The following STX3 variants were observed in gnomAD, a reference collection of about 807,000 sequenced individuals.
STX3 encodes syntaxin 3.
STX3 carries 19 observed loss-of-function variants against 40.2 expected under a neutral mutation model. The observed-to-expected ratio is 0.47, with a 90% CI of 0.33 to 0.69. The LOEUF (loss-of-function observed/expected upper bound fraction) is 0.69, where lower values mean the gene tolerates loss of function less well. Ranked by LOEUF, STX3 falls within the 30% of genes least tolerant of loss-of-function variation. The probability of loss-of-function intolerance (pLI) is 0.02; values close to 1 mark genes in which losing one functional copy is unlikely to be tolerated. For missense variants in STX3, 364 were observed against 366.7 expected (o/e 0.99, Z 0.06); for synonymous variants, 122 against 132.2 (o/e 0.92, Z 0.53).
At chr11:59,774,904 C>T (rs1302546327) in intron 2 of STX3, among the ~76,000 whole-genome samples, 1 of 152,172 alleles carries the variant, frequency 6.6e-6, no homozygotes, top group Non-Finnish European at 1.5e-5. Flanking sequence ...CATATATGTG[C>T]TTAATGAATG....
chr11:59,767,190 G>A (rs774098785), intron 1 of STX3, among the ~76,000 whole-genome samples: 1 of 152,152 alleles, frequency 6.6e-6, no homozygotes, highest in Non-Finnish European at 1.5e-5. Context: ...GCACACTTGA[G>A]GGGTAGGGTC....
At chr11:59,774,578 A>T (rs570160773) in intron 2 of STX3, among the ~76,000 whole-genome samples, 36 of 152,320 alleles carry the variant, frequency 2.4e-4, no homozygotes, top group Non-Finnish European at 1.2e-4. Flanking sequence ...CACGCTTGTA[A>T]TCCCAGCACT....
intron 4 of STX3, chr11:59,789,283 C>G: frequency 4.2e-6 from 1 of 236,736 alleles, no homozygotes; most frequent in Non-Finnish European, 8.4e-6. Context: ...GAGTCTCACT[C>G]TGTCCCCCAG....
chr11:59,800,993 C>A lies in STX3; in HGVS notation c.*169C>A. On this transcript the variant is annotated 3_prime_UTR_variant, in exon 11 of 11. Coordinates refer to ENST00000337979, the MANE Select transcript of STX3 (RefSeq NM_004177.5). The stretch of plus-strand genomic sequence containing the variant: ...CCTTGGACCTGACTCAGCTAACAAT[C>A]TAGCCCTGGGGGAATGTGATCTACC... The A allele has an allele frequency of 1.3e-6, 2 of 1,530,002 alleles. No individual in the cohort carries two copies. Among genetic ancestry groups the A allele is most frequent in the South Asian group, 2.4e-5 (2 of 83,232 alleles). 94.8% of individuals were successfully genotyped at this position (1,530,002 alleles called of 1,614,324 possible).
intron 2 of STX3, 137 bp downstream of exon 2, chr11:59,773,431 A>T (rs1411866993): frequency 2.8e-6 from 2 of 713,338 alleles, no homozygotes; most frequent in Non-Finnish European, 4.7e-6. Context: ...GGCCAGACAA[A>T]GAAATTAAAA....
chr11:59,773,409 C>T (rs1863770408), intron 2 of STX3, 115 bp downstream of exon 2: 9 of 968,110 alleles, frequency 9.3e-6, no homozygotes, highest in Non-Finnish European at 1.4e-5. Flanking sequence ...CAGTTTTTTG[C>T]TAGGGTGGGA....
intron 1 of STX3, among the ~76,000 whole-genome samples, chr11:59,769,845 T>A (rs471502): frequency 4.1e-4 from 62 of 151,342 alleles, no homozygotes; most frequent in African/African-American, 1.5e-3. Flanking sequence ...TGTGTGTGTG[T>A]GTGTGTATGT....
chr11:59,776,382 C>T (rs1199288497), intron 2 of STX3, among the ~76,000 whole-genome samples: 1 of 152,200 alleles, frequency 6.6e-6, no homozygotes, highest in Non-Finnish European at 1.5e-5. Flanking sequence ...ATGTTCTTAT[C>T]ACCCTTCTGT....
At chr11:59,773,999 A>T (rs951295036) in intron 2 of STX3, among the ~76,000 whole-genome samples, 1 of 149,636 alleles carries the variant, frequency 6.7e-6, no homozygotes, top group African/African-American at 2.5e-5. Flanking sequence ...AAAAAAAAAA[A>T]ATTATAGTCC....
intron 2 of STX3, among the ~76,000 whole-genome samples, chr11:59,782,205 T>C (rs974392840): frequency 6.6e-6 from 1 of 152,230 alleles, no homozygotes; most frequent in Non-Finnish European, 1.5e-5. Flanking sequence ...GTTATTAGTA[T>C]AATATAGTAA....
intron 1 of STX3, among the ~76,000 whole-genome samples, chr11:59,770,236 G>A (rs577543251): frequency 6.8e-4 from 102 of 150,520 alleles, no homozygotes; most frequent in South Asian, 1.1e-3. Flanking sequence ...TGTAATGTAC[G>A]TGTGTAGGGT....
At position 59,758,081 on chromosome 11, in the gene STX3, C is replaced by T. The variant is rs551099580; in HGVS notation, c.30+2446C>T. Among the ~76,000 whole-genome samples the T allele has an allele frequency of 6.6e-5, 10 of 152,072 alleles. No homozygotes were observed. The South Asian group carries it at 1.9e-3, about 28-fold the overall frequency. Reference sequence around the variant, plus strand: ...GGGAGGGGAGGTGGTAACTGCCTCCCGATAACTGGAGGGCTTTCCGTGCCT... The same window carrying T: ...GGGAGGGGAGGTGGTAACTGCCTCCTGATAACTGGAGGGCTTTCCGTGCCT... On this transcript the variant is annotated intron_variant, in intron 1 of 10. Transcript: ENST00000337979.
intron 3 of STX3, 41 bp from the exon 4 acceptor site, chr11:59,788,832 C>T (rs1380918578): frequency 6.4e-7 from 1 of 1,554,764 alleles, no homozygotes; most frequent in Non-Finnish European, 8.8e-7. Flanking sequence ...GGAATCAGTC[C>T]TCTCCTTTCT....
Position 59,802,608 on chromosome 11 carries a change from CAT to C in STX3, c.*1785_*1786del. 1 of 985,838 alleles carries C rather than the reference CAT, an allele frequency of 1.0e-6. No individual in the cohort carries two copies. Among genetic ancestry groups the C allele is most frequent in the Non-Finnish European group, 1.2e-6 (1 of 829,932 alleles). The allele number at this position is 985,838 out of a possible 1,614,324, so 61.1% of individuals were successfully genotyped here. On this transcript the variant is annotated 3_prime_UTR_variant, in exon 11 of 11. Transcript: ENST00000337979. ...CTGGGGCTTACAGTTTGGAATACAA[CAT>C]GTGAAGGTTTTTGTTGTTGTTTGTA... is the stretch of plus-strand genomic sequence containing the variant.
intron 1 of STX3, among the ~76,000 whole-genome samples, chr11:59,766,626 A>G (rs953129751): frequency 6.6e-6 from 1 of 152,224 alleles, no homozygotes; most frequent in Non-Finnish European, 1.5e-5. Context: ...GAAAGGCTTA[A>G]TGGAAACAAA....
intron 1 of STX3, among the ~76,000 whole-genome samples, chr11:59,769,734 T>G (rs562439329): frequency 4.6e-5 from 7 of 152,316 alleles, no homozygotes; most frequent in Admixed American, 2.0e-4. Context: ...TGTTCCCAGC[T>G]TCTGGAAACT....
At chr11:59,771,197 G>C (rs1159564827) in intron 1 of STX3, among the ~76,000 whole-genome samples, 1 of 125,802 alleles carries the variant, frequency 7.9e-6, no homozygotes, top group Non-Finnish European at 1.6e-5. Context: ...AGCTGAGGCG[G>C]GTGGATTACT....
At chr11:59,764,804 T>C (rs1018604455) in intron 1 of STX3, among the ~76,000 whole-genome samples, 1 of 152,032 alleles carries the variant, frequency 6.6e-6, no homozygotes, top group African/African-American at 2.4e-5. Flanking sequence ...AAAGTAATAT[T>C]TGTCCCTCAG....
At position 59,755,573 on chromosome 11, in the gene STX3, G is replaced by C. The variant is rs539461000; in HGVS notation, c.-33G>C. On this transcript the variant is annotated 5_prime_UTR_variant, in exon 1 of 11. Transcript: ENST00000337979. The stretch of plus-strand genomic sequence containing the variant: ...CACCTGGGACGCGCTCACCTGGGAC[G>C]CGCTACCTGCCTCCGGGCGCCTGGG... 6 of 1,592,452 alleles carry C rather than the reference G, an allele frequency of 3.8e-6. No individual in the cohort carries two copies. The East Asian group carries it at 1.4e-4, about 37-fold the overall frequency.
Sources: gnomAD v4.1 joint callset for allele counts (sites outside exome capture counted in the v4.1 genomes callset) on GRCh38, gnomAD v4.1.1 for gene constraint, MANE v1.5 for transcripts, NCBI Gene and HGNC (gene_info 2026-07-23, HGNC 2026-07-21) for gene names.